Variants in ANK2 observed in about 807,000 individuals in gnomAD.
The protein encoded by ANK2 is ankyrin-2.
In ANK2, 83 loss-of-function variants were observed where a neutral mutation model predicts 360.5. The observed-to-expected ratio is 0.23, with a 90% CI of 0.19 to 0.28. The LOEUF is 0.28. Ranked by LOEUF, ANK2 falls within the 10% of genes least tolerant of loss-of-function variation. The pLI is 1.00. For synonymous variants in ANK2, 1,740 were observed against 1,759.5 expected (o/e 0.99, Z 0.28); for missense variants, 4,201 against 4,795.7 (o/e 0.88, Z 3.66).
intron 2 of ANK2, 144 bp downstream of exon 2, chr4:113,174,661 C>A: frequency 3.1e-6 from 2 of 643,090 alleles, no homozygotes; most frequent in East Asian, 3.2e-5. Context: ...TGCCCCCTTA[C>A]CAACTTTTCA....
Position 113,363,367 on chromosome 4 carries a change from G to A in ANK2, c.10786G>A (p.Glu3596Lys). 1 of 1,613,320 alleles carries A rather than the reference G, an allele frequency of 6.2e-7. No homozygotes were observed. Among genetic ancestry groups the A allele is most frequent in the South Asian group, 1.1e-5 (1 of 91,054 alleles). ...AGCAAGAGAACTGGATTTCACTGAG[G>A]AGCAAATTCATCAAATTCGAATTGA... Reference protein sequence around the residue: ...ELARELDFTEEQIHQIRIENP... With the variant: ...ELARELDFTEKQIHQIRIENP... Residue 3596 changes from glutamate to lysine, a missense_variant, in exon 40 of 46, where the codon GAG becomes AAG. This residue lies in a region of ANK2 where 2,642 missense variants were observed against 2,714.5 expected (regional missense o/e 0.97). Transcript: ENST00000357077.
chr4:112,722,821 A>G, the ANK2 span, among the ~76,000 whole-genome samples: 3 of 152,112 alleles, frequency 2.0e-5, no homozygotes, highest in African/African-American at 4.8e-5. Flanking sequence ...AGAAAAGGCC[A>G]TGTATGATGG....
the ANK2 span, among the ~76,000 whole-genome samples, chr4:112,736,609 C>A: frequency 6.6e-6 from 1 of 152,158 alleles, no homozygotes; most frequent in Non-Finnish European, 1.5e-5. Flanking sequence ...TTCACAATGG[C>A]AGATTTCAGA....
In ANK2 at chr4:113,345,921, C is replaced by A; in HGVS notation, c.4270C>A (p.Pro1424Thr). 3 of 1,613,566 alleles carry A rather than the reference C, an allele frequency of 1.9e-6. No individual in the cohort carries two copies. The highest frequency in any genetic ancestry group is 1.7e-5 in the Admixed American group (1 of 60,008). Reference sequence around the variant, plus strand: ...CAAGGTACGCGATACGACTCAGGAACCTTGCGGACGACTATCATTTATGAA... The same window carrying A: ...CAAGGTACGCGATACGACTCAGGAAACTTGCGGACGACTATCATTTATGAA... Reference protein sequence around the residue: ...FVKVRDTTQEPCGRLSFMKEP... With the variant: ...FVKVRDTTQETCGRLSFMKEP... Residue 1424 changes from proline (P) to threonine (T), a missense_variant, in exon 35 of 46, where the codon CCT (proline) becomes ACT (threonine). Physicochemically the swap from Pro to Thr is conservative, Grantham distance 38 (BLOSUM62 -1). This residue lies in a region of ANK2 where 1,268 missense variants were observed against 1,650.8 expected (regional missense o/e 0.77). Transcript: ENST00000357077.
intron 44 of ANK2, 23 bp from the exon 45 acceptor site, chr4:113,373,262 T>C (rs373885148): frequency 5.0e-6 from 8 of 1,613,772 alleles, no homozygotes; most frequent in African/African-American, 2.7e-5. Flanking sequence ...AAAAATAAGA[T>C]ACACAAATGA....
intron 10 of ANK2, among the ~76,000 whole-genome samples, chr4:113,251,212 G>A (rs573936564): frequency 2.4e-4 from 36 of 152,206 alleles, no homozygotes; most frequent in African/African-American, 4.8e-4. Flanking sequence ...TTTACAAACC[G>A]TAAAATAATC....
At chr4:113,113,524 A>G (rs1266930450) in intron 1 of ANK2, among the ~76,000 whole-genome samples, 1 of 152,204 alleles carries the variant, frequency 6.6e-6, no homozygotes, top group African/African-American at 2.4e-5. Context: ...AGGACAGTCT[A>G]TGCTGGCTCT....
intron 1 of ANK2, among the ~76,000 whole-genome samples, chr4:113,123,089 A>G (rs2095464499): frequency 6.6e-6 from 1 of 151,914 alleles, no homozygotes. Context: ...TTTAATTGAA[A>G]AAAGCTACTA....
intron 1 of ANK2, among the ~76,000 whole-genome samples, chr4:112,865,326 GTTA>G (rs770756169): frequency 1.9e-4 from 29 of 152,072 alleles, no homozygotes; most frequent in Non-Finnish European, 3.1e-4. Flanking sequence ...TGAAAGCTCT[GTTA>G]TTATAATTAC....
At chr4:113,135,495 G>A (rs2096346242) in intron 1 of ANK2, among the ~76,000 whole-genome samples, 3 of 150,080 alleles carry the variant, frequency 2.0e-5, no homozygotes, top group South Asian at 2.1e-4. Context: ...GCAAATGATG[G>A]CCAAACCATA....
intron 1 of ANK2, among the ~76,000 whole-genome samples, chr4:112,844,785 A>T (rs1156950215): frequency 6.6e-6 from 1 of 152,242 alleles, no homozygotes; most frequent in African/African-American, 2.4e-5. Context: ...ACTAGGAGCC[A>T]GTGAAGAAAG....
intron 3 of ANK2, 54 bp from the exon 4 acceptor site, chr4:113,198,957 T>G (rs2098791031): frequency 6.8e-7 from 1 of 1,475,814 alleles, no homozygotes; most frequent in South Asian, 1.1e-5. Context: ...CACATTTTGA[T>G]TTCTGCAAAA....
intron 2 of ANK2, among the ~76,000 whole-genome samples, chr4:113,007,650 C>T (rs1018639074): frequency 6.6e-6 from 1 of 152,006 alleles, no homozygotes; most frequent in African/African-American, 2.4e-5. Context: ...AATATACATA[C>T]AGAATTTATT....
intron 2 of ANK2, among the ~76,000 whole-genome samples, chr4:113,022,419 T>C (rs2058372842): frequency 6.6e-6 from 1 of 152,186 alleles, no homozygotes. Context: ...GTTCAAATGC[T>C]TCACCTTTCA....
intron 1 of ANK2, among the ~76,000 whole-genome samples, chr4:113,151,811 A>G (rs1345211549): frequency 6.6e-6 from 1 of 151,764 alleles, no homozygotes; most frequent in Non-Finnish European, 1.5e-5. Flanking sequence ...CACACCTGTA[A>G]TCTCAGCACT....
intron 42 of ANK2, among the ~76,000 whole-genome samples, chr4:113,368,155 T>C (rs1435028590): frequency 6.6e-6 from 1 of 152,202 alleles, no homozygotes; most frequent in Non-Finnish European, 1.5e-5. Context: ...TTGACTCATC[T>C]CACAGGGTCA....
upstream of ANK2, among the ~76,000 whole-genome samples, chr4:112,814,441 GTT>G (rs2055502657): frequency 8.7e-6 from 1 of 115,074 alleles, no homozygotes; most frequent in African/African-American, 2.6e-5. Context: ...TTGTTTTTTT[GTT>G]TGTTTGTTTG....
At chr4:112,741,720 A>G in the ANK2 span, among the ~76,000 whole-genome samples, 4 of 152,094 alleles carry the variant, frequency 2.6e-5, no homozygotes, top group Non-Finnish European at 5.9e-5. Context: ...GTGGTGGCTC[A>G]TGCTTGTAAT....
chr4:113,092,435 AAGC>A (rs2088815550), intron 1 of ANK2, among the ~76,000 whole-genome samples: 1 of 152,168 alleles, frequency 6.6e-6, no homozygotes, highest in African/African-American at 2.4e-5. Context: ...AGCTTGTAAA[AAGC>A]AGACTCTCAG....
Sources: allele counts gnomAD v4.1 joint callset (sites outside exome capture counted in the v4.1 genomes callset), GRCh38; gene constraint gnomAD v4.1.1; regional missense constraint gnomAD v4.1.1; transcripts MANE v1.5; gene names NCBI Gene and HGNC (gene_info 2026-07-23, HGNC 2026-07-21).